TAS1R2: variants seen among roughly 807,000 people sequenced by gnomAD.
The protein encoded by TAS1R2 is taste 1 receptor member 2.
Under a neutral mutation model 49.3 loss-of-function variants are expected in TAS1R2, and 47 were observed. The observed-to-expected ratio is 0.95, with a 90% CI of 0.75 to 1.22. TAS1R2 has a LOEUF of 1.22. TAS1R2 is among the 50% of genes most tolerant of loss of function. TAS1R2 has a pLI of 0.00. For synonymous variants in TAS1R2, 479 were observed against 467.9 expected (o/e 1.02, Z -0.31); for missense variants, 1,155 against 1,122.1 (o/e 1.03, Z -0.42).
At chr1:18,856,597 G>C (rs928995355) in intron 2 of TAS1R2, among the ~76,000 whole-genome samples, 5 of 152,292 alleles carry the variant, frequency 3.3e-5, no homozygotes, top group Admixed American at 3.3e-4. Context: ...AACAGTACCT[G>C]GCACATAGTA....
intron 2 of TAS1R2, among the ~76,000 whole-genome samples, chr1:18,857,093 C>T (rs1033957018): frequency 6.6e-6 from 1 of 152,206 alleles, no homozygotes; most frequent in Non-Finnish European, 1.5e-5. Flanking sequence ...TTGCCAAAGG[C>T]TTCACTGTGG....
At chr1:18,850,977 C>T (rs1569669921) in intron 3 of TAS1R2, among the ~76,000 whole-genome samples, 1 of 152,192 alleles carries the variant, frequency 6.6e-6, no homozygotes, top group South Asian at 2.1e-4. Context: ...ATTGCACATC[C>T]CCTCAATAAC....
chr1:18,847,490 C>A (rs1204966215), intron 4 of TAS1R2, among the ~76,000 whole-genome samples: 3 of 152,192 alleles, frequency 2.0e-5, no homozygotes, highest in East Asian at 1.9e-4. Flanking sequence ...CATCAGGTAC[C>A]TCTGCAACTG....
At chr1:18,839,918 A>G (rs1266342890) in exon 6 of TAS1R2, 1 of 1,614,244 alleles carries the variant, frequency 6.2e-7, no homozygotes, top group Non-Finnish European at 8.5e-7. Flanking sequence ...CAGCAGGTCC[A>G]GGCTGGTGTT....
chr1:18,857,581 G>T, exon 2 of TAS1R2: 1 of 1,614,118 alleles, frequency 6.2e-7, no homozygotes, highest in South Asian at 1.1e-5. Context: ...CTCCTCCACC[G>T]CAAAGCGCAT....
At chr1:18,859,544 G>A (rs753904619) in exon 1 of TAS1R2, 1 of 1,614,226 alleles carries the variant, frequency 6.2e-7, no homozygotes, top group South Asian at 1.1e-5. Context: ...CATGGAGGGA[G>A]AAGAGGCCAC....
In TAS1R2 at chr1:18,840,071, G is replaced by A. The variant is rs1029360529; in HGVS notation, c.2048C>T (p.Ala683Val). 3.1e-6 allele frequency: 5 copies of A among 1,614,114 alleles called. No individual in the cohort carries two copies. In the African/African-American group the frequency reaches 5.3e-5, roughly 17 times the overall value. The change falls in exon 6 of 6, where the codon GCA becomes GTA. Residue 683 changes from alanine (A) to valine (V), a missense_variant. Physicochemically the swap from Ala to Val is moderately conservative, Grantham distance 64 (BLOSUM62 0). Coordinates refer to ENST00000375371, the Ensembl canonical transcript of TAS1R2. ...GACCATTTTGAGTACCGTGATAAAT[G>A]CCATAGAGACGTAGGGCCCCTGGTA...
intron 2 of TAS1R2, 90 bp downstream of exon 2, chr1:18,857,241 G>C (rs1457636454): frequency 7.1e-7 from 1 of 1,402,062 alleles, no homozygotes; most frequent in Non-Finnish European, 9.7e-7. Context: ...CACCTCCCAT[G>C]ATTGATGGAG....
At chr1:18,858,066 A>G (rs1934172888) in intron 1 of TAS1R2, among the ~76,000 whole-genome samples, 1 of 151,834 alleles carries the variant, frequency 6.6e-6, no homozygotes, top group South Asian at 2.1e-4. Context: ...CACCACCATC[A>G]CTATCAGCAC....
At chr1:18,851,235 C>T (rs903828823) in intron 3 of TAS1R2, among the ~76,000 whole-genome samples, 8 of 152,058 alleles carry the variant, frequency 5.3e-5, no homozygotes, top group Non-Finnish European at 1.0e-4. Context: ...AGACCAGTGC[C>T]GAGGGCCCCA....
rs1004355096 is a variant in TAS1R2, at chr1:18,849,335, G to A, written c.1467+6C>T. On this transcript the variant is annotated splice_donor_region_variant and intron_variant, in intron 4 of 5. Transcript: ENST00000375371. ...GCCTGCCCACCCACCAGGCCCCCTG[G>A]CTGACCGTGTTGTTGATGGTGTGCC... 6.2e-6 allele frequency: 10 copies of A among 1,613,404 alleles called. No homozygotes were observed. The East Asian group carries it at 2.2e-4, about 36-fold the overall frequency.
chr1:18,854,475 A>C lies in TAS1R2; in HGVS notation c.995T>G (p.Ile332Ser). The change falls in exon 3 of 6, where the codon ATC becomes AGC. Residue 332 changes from isoleucine (I) to serine (S), a missense_variant. Coordinates refer to ENST00000375371, the Ensembl canonical transcript of TAS1R2. This position sits in a 1 kb window ranked among gnomAD's most constrained non-coding sequence, Gnocchi z 4.9. ...CTCGCGGAACTCACTGAAGCCCGGG[A>C]TGGGCACGCTCTGGATGGTGATGCC... is the stretch of plus-strand genomic sequence containing the variant. 1 of 1,614,124 alleles carries C rather than the reference A, an allele frequency of 6.2e-7. No homozygotes were observed. Among genetic ancestry groups the C allele is most frequent in the Middle Eastern group, 1.6e-4 (1 of 6,062 alleles).
At position 18,840,456 on chromosome 1, in the gene TAS1R2, G is replaced by A. The variant is rs1933802386; in HGVS notation, c.1663C>T (p.Gln555Ter). 1 of 1,614,190 alleles carries A rather than the reference G, an allele frequency of 6.2e-7. No individual in the cohort carries two copies. Among genetic ancestry groups the A allele is most frequent in the African/African-American group, 1.3e-5 (1 of 75,034 alleles). ...TCATGCCATTCCAGGAAGACCAGCT[G>A]CCGCTTGAAGCAGGAGGTCTCACTC... The change falls in exon 6 of 6, where the codon CAG becomes TAG. Residue 555 changes from glutamine (Q) to a stop codon, truncating the protein, a stop_gained. Coordinates refer to ENST00000375371, the Ensembl canonical transcript of TAS1R2. LOFTEE classifies it low-confidence loss of function (END_TRUNC).
chr1:18,844,112 T>C (rs537397839), intron 4 of TAS1R2, among the ~76,000 whole-genome samples: 1 of 152,304 alleles, frequency 6.6e-6, no homozygotes, highest in East Asian at 1.9e-4. Flanking sequence ...TACTAAGCTT[T>C]TTTCAGGGAT....
At chr1:18,840,948 C>T (rs532385561) in intron 5 of TAS1R2, among the ~76,000 whole-genome samples, 1 of 152,178 alleles carries the variant, frequency 6.6e-6, no homozygotes, top group African/African-American at 2.4e-5. Context: ...GGGTGGAAGG[C>T]CACAGAGAGA....
At chr1:18,843,596 C>T (rs1933866045) in intron 4 of TAS1R2, among the ~76,000 whole-genome samples, 1 of 152,144 alleles carries the variant, frequency 6.6e-6, no homozygotes, top group African/African-American at 2.4e-5. Flanking sequence ...TGAAGAAGGC[C>T]CTGGCTTCTG....
At chr1:18,857,682 G>A (rs72953138) in intron 1 of TAS1R2, 51 bp from the exon 2 acceptor site, 362,561 of 1,567,290 alleles carry the variant, frequency 0.23, 43,966 homozygotes, top group African/African-American at 0.29. Flanking sequence ...AATGAGGAAG[G>A]AAGAGATAAG....
rs974875392 is a variant in TAS1R2, at chr1:18,857,740, A to G, written c.183-109T>C. ...CTGCCACAGGAAAGCCAAGGCATTG[A>G]CTGAGAAGAGCCACTCCAGAAGACT... On this transcript the variant is annotated intron_variant, in intron 1 of 5. Transcript: ENST00000375371. The G allele has an allele frequency of 3.7e-5, 48 of 1,304,500 alleles. 1 individual carries two copies. The South Asian group carries it at 6.9e-4, about 19-fold the overall frequency. 80.8% of individuals were successfully genotyped at this position (1,304,500 alleles called of 1,614,324 possible).
intron 3 of TAS1R2, among the ~76,000 whole-genome samples, chr1:18,851,706 C>T (rs565416056): frequency 3.3e-5 from 5 of 152,156 alleles, no homozygotes; most frequent in Admixed American, 2.6e-4. Context: ...GATCTGACCC[C>T]ACCACCACCA....
Sources: gnomAD v4.1 joint callset for allele counts (sites outside exome capture counted in the v4.1 genomes callset) on GRCh38, gnomAD v4.1.1 for gene constraint, Gnocchi (gnomAD v3.1) non-coding constraint, MANE v1.5 for transcripts, NCBI Gene and HGNC (gene_info 2026-07-23, HGNC 2026-07-21) for gene names.